Variants in CEP83 observed in about 807,000 individuals in gnomAD.
CEP83 encodes centrosomal protein 83, also known as centrosomal protein of 83 kDa.
CEP83 carries 70 observed loss-of-function variants against 101.9 expected under a neutral mutation model. That is an observed-to-expected ratio of 0.69 (90% confidence interval 0.57 to 0.84). The LOEUF (loss-of-function observed/expected upper bound fraction) is 0.84, where lower values mean the gene tolerates loss of function less well. CEP83 is among the 40% of genes least tolerant of loss of function. The pLI is 0.00. For synonymous variants in CEP83, 264 were observed against 267.9 expected (o/e 0.99, Z 0.14); for missense variants, 715 against 787.2 (o/e 0.91, Z 1.10).
At chr12:94,424,801 G>C in intron 2 of CEP83, 2 of 1,607,746 alleles carry the variant, frequency 1.2e-6, no homozygotes, top group Non-Finnish European at 1.7e-6. Context: ...TGTATAGGTT[G>C]GTTTTGCTCA....
At position 94,403,211 on chromosome 12, in the gene CEP83, A is replaced by C. The variant is rs778855901; in HGVS notation, c.376T>G (p.Leu126Val). 1 of 1,588,146 alleles carries C rather than the reference A, an allele frequency of 6.3e-7. No homozygotes were observed. Among genetic ancestry groups the C allele is most frequent in the Non-Finnish European group, 8.6e-7 (1 of 1,157,286 alleles). ...ELLRAQIQQELETPMRERFRN... is the reference protein window; with the variant it reads ...ELLRAQIQQEVETPMRERFRN... ...AAACGTTCTCTCATTGGAGTTTCTA[A>C]TTCTTGTTGTATTTGGGCTCTTAGC... Residue 126 changes from leucine to valine, a missense_variant, in exon 5 of 17, where the codon TTA becomes GTA. Coordinates refer to ENST00000397809, the MANE Select transcript of CEP83 (RefSeq NM_016122.3).
At chr12:94,411,534 A>G (rs544392655) in intron 4 of CEP83, among the ~76,000 whole-genome samples, 163 bp downstream of exon 4, 1 of 152,288 alleles carries the variant, frequency 6.6e-6, no homozygotes, top group South Asian at 2.1e-4. Flanking sequence ...GGTAGCTAAC[A>G]TTCTAAAATA....
intron 14 of CEP83, among the ~76,000 whole-genome samples, chr12:94,320,505 A>T (rs941200631): frequency 6.6e-6 from 1 of 151,514 alleles, no homozygotes; most frequent in Non-Finnish European, 1.5e-5. Flanking sequence ...GCTCTCTCTC[A>T]GCAGAATCAT....
chr12:94,407,651 A>G (rs61927185), intron 4 of CEP83, among the ~76,000 whole-genome samples: 10,504 of 152,168 alleles, frequency 0.069, 432 homozygotes, highest in Middle Eastern at 0.092. Context: ...TCTTATTAAA[A>G]ACAAATACAC....
At chr12:94,294,353 A>T in the CEP83 span, 1 of 565,100 alleles carries the variant, frequency 1.8e-6, no homozygotes, top group African/African-American at 1.9e-5. Flanking sequence ...TGCCCAGAAC[A>T]TAGTAATTCT....
intron 11 of CEP83, among the ~76,000 whole-genome samples, chr12:94,342,169 C>G (rs925035487): frequency 6.6e-6 from 1 of 152,124 alleles, no homozygotes; most frequent in Non-Finnish European, 1.5e-5. Flanking sequence ...ATAAGTATAC[C>G]TCTGCCTGAA....
chr12:94,432,635 ACAGATATC>A (rs1000887627), intron 2 of CEP83, among the ~76,000 whole-genome samples: 18 of 152,332 alleles, frequency 1.2e-4, no homozygotes, highest in Middle Eastern at 3.4e-3. Context: ...CTTAATGAAT[ACAGATATC>A]CAGTTAGATA....
At chr12:94,387,919 GA>G (rs796839847) in intron 6 of CEP83, among the ~76,000 whole-genome samples, 11 of 148,396 alleles carry the variant, frequency 7.4e-5, no homozygotes, top group East Asian at 3.9e-4. Flanking sequence ...TTACTAAAAG[GA>G]AAAAAAAAAT....
At chr12:94,314,940 CTTCT>C (rs1970431950) in intron 14 of CEP83, among the ~76,000 whole-genome samples, 2 of 152,142 alleles carry the variant, frequency 1.3e-5, no homozygotes, top group Non-Finnish European at 2.9e-5. Context: ...TGTCACAGTA[CTTCT>C]TTTTCATTGC....
At chr12:94,438,717 C>T (rs1397092029) in intron 1 of CEP83, among the ~76,000 whole-genome samples, 1 of 152,148 alleles carries the variant, frequency 6.6e-6, no homozygotes, top group Non-Finnish European at 1.5e-5. Flanking sequence ...ACATTCTACC[C>T]AACAATTGCA....
chr12:94,298,333 A>G, the CEP83 span, among the ~76,000 whole-genome samples: 1 of 152,210 alleles, frequency 6.6e-6, no homozygotes, highest in South Asian at 2.1e-4. Context: ...GTTTATGTAA[A>G]CAGCCCTACA....
chr12:94,363,856 G>A (rs575656303), intron 11 of CEP83, among the ~76,000 whole-genome samples: 3 of 151,506 alleles, frequency 2.0e-5, no homozygotes, highest in Non-Finnish European at 2.9e-5. Context: ...ACTAAGGCAG[G>A]AGAATGGCTT....
chr12:94,456,179 G>T (rs1014756711), intron 1 of CEP83, among the ~76,000 whole-genome samples: 1 of 152,116 alleles, frequency 6.6e-6, no homozygotes, highest in African/African-American at 2.4e-5. Context: ...CCAGGAAATT[G>T]ACCAAACTCC....
At chr12:94,406,464 A>C (rs1272101711) in intron 4 of CEP83, among the ~76,000 whole-genome samples, 2 of 151,746 alleles carry the variant, frequency 1.3e-5, no homozygotes, top group South Asian at 4.2e-4. Context: ...AGAGAGAGAG[A>C]GAGTGAGAGT....
Position 94,453,820 on chromosome 12 carries a change from C to T in CEP83, c.-155+5737G>A, listed in dbSNP as rs550010684. On this transcript the variant is annotated intron_variant, in intron 1 of 16. Transcript: ENST00000397809. The stretch of plus-strand genomic sequence containing the variant: ...TCCCACAAAATTACAGTGCCTAGGC[C>T]GGGCGCAGTGGCTCACACCTGTAAT... Among the ~76,000 whole-genome samples the T allele has an allele frequency of 1.2e-3, 182 of 152,216 alleles. 2 individuals are homozygous for T. In the Middle Eastern group the frequency reaches 0.02, roughly 17 times the overall value.
At chr12:94,416,415 G>A (rs1196967633) in intron 2 of CEP83, among the ~76,000 whole-genome samples, 2 of 151,994 alleles carry the variant, frequency 1.3e-5, no homozygotes, top group Non-Finnish European at 2.9e-5. Context: ...GAAGAAACTG[G>A]CAACCAGGAA....
chr12:94,421,549 T>C (rs1375410814), intron 2 of CEP83, among the ~76,000 whole-genome samples: 2 of 152,182 alleles, frequency 1.3e-5, no homozygotes, highest in African/African-American at 4.8e-5. Flanking sequence ...TATTCTACTA[T>C]TTCTCCTTTA....
chr12:94,335,100 A>G (rs912742159), intron 12 of CEP83, among the ~76,000 whole-genome samples: 1 of 152,134 alleles, frequency 6.6e-6, no homozygotes, highest in Non-Finnish European at 1.5e-5. Context: ...TCACTCTTCC[A>G]TGTTTTACCC....
the CEP83 span, among the ~76,000 whole-genome samples, chr12:94,283,803 G>A: frequency 6.6e-6 from 1 of 152,192 alleles, no homozygotes; most frequent in Non-Finnish European, 1.5e-5. Flanking sequence ...CAGGGTCTGG[G>A]CCAGGCGTGG....
Sources: gnomAD v4.1 joint callset for allele counts (sites outside exome capture counted in the v4.1 genomes callset) on GRCh38, gnomAD v4.1.1 for gene constraint, MANE v1.5 for transcripts, NCBI Gene and HGNC (gene_info 2026-07-23, HGNC 2026-07-21) for gene names.